AQP5: variants seen among roughly 807,000 people sequenced by gnomAD.
AQP5 encodes the protein aquaporin-5.
AQP5 carries 15 observed loss-of-function variants against 19.1 expected under a neutral mutation model. The ratio of observed to expected loss-of-function variants is 0.79; its 90% confidence interval spans 0.53 to 1.21. The LOEUF is 1.21. Ranked by LOEUF, AQP5 falls within the 50% of genes most tolerant of loss-of-function variation. AQP5 has a pLI of 0.00. For synonymous variants in AQP5, 182 were observed against 160.3 expected (o/e 1.14, Z -1.02); for missense variants, 355 against 357.1 (o/e 0.99, Z 0.05).
chr12:49,963,407 C>G, intron 1 of AQP5, 85 bp from the exon 2 acceptor site: 1 of 1,552,554 alleles, frequency 6.4e-7, no homozygotes, highest in South Asian at 1.2e-5. Context: ...TCTAAGTGTC[C>G]CTGGAGGCCA....
Position 49,963,511 on chromosome 12 carries a change from A to G in AQP5, c.383A>G (p.Gln128Arg), listed in dbSNP as rs1947452272. 5.0e-6 allele frequency: 8 copies of G among 1,613,718 alleles called. No individual in the cohort carries two copies. In the East Asian group the frequency reaches 6.7e-5, roughly 13 times the overall value. The change falls in exon 2 of 4, where the codon CAG becomes CGG. Residue 128 changes from glutamine to arginine, a missense_variant. Physicochemically the swap from Gln to Arg is conservative, Grantham distance 43. Transcript: ENST00000293599. ...TTGCAGCTCAACAACAACACAACGC[A>G]GGGCCAGGCCATGGTGGTGGAGCTG... is the stretch of plus-strand genomic sequence containing the variant. ...AVNALNNNTT[Q>R]GQAMVVELIL...
rs755928749 is a variant in AQP5, at chr12:49,962,352, A to G, written c.335A>G (p.Asn112Ser). ...ATCCTCTACGGTGTGGCACCGCTCA[A>G]TGCCCGGGGCAATCTGGCCGTCAAC... ...AGILYGVAPL[N>S]ARGNLAVNAL... The change falls in exon 1 of 4, where the codon AAT becomes AGT. Residue 112 changes from asparagine to serine, a missense_variant. Physicochemically the swap from Asn to Ser is conservative, Grantham distance 46 (BLOSUM62 1). Transcript: ENST00000293599. 104 of 1,594,416 alleles carry G rather than the reference A, an allele frequency of 6.5e-5. No homozygotes were observed. Among genetic ancestry groups the G allele is most frequent in the East Asian group, 2.9e-4 (12 of 42,060 alleles).
rs550422723 is a variant in AQP5, at chr12:49,965,216, C to T, written c.*39C>T. 9.8e-6 allele frequency: 15 copies of T among 1,536,608 alleles called. No homozygotes were observed. The highest frequency in any genetic ancestry group is 1.2e-5 in the Non-Finnish European group (14 of 1,145,420). ...GGGGCCAGCCCCTCAGCCCCTGAGC[C>T]AAGGGGGAAAAGAAGAAAAAGTACC... is the stretch of plus-strand genomic sequence containing the variant. On this transcript the variant is annotated 3_prime_UTR_variant, in exon 4 of 4. Coordinates refer to ENST00000293599, the MANE Select transcript of AQP5 (RefSeq NM_001651.4).
chr12:49,963,818 T>TC, intron 2 of AQP5, 162 bp downstream of exon 2: 2 of 1,099,582 alleles, frequency 1.8e-6, no homozygotes, highest in South Asian at 1.7e-5. Context: ...CCAGAATTGA[T>TC]CCCCCCAAAA....
chr12:49,962,234 A>G lies in AQP5; in HGVS notation c.217A>G (p.Thr73Ala). The G allele has an allele frequency of 6.2e-7, 1 of 1,603,294 alleles. No individual in the cohort carries two copies. The highest frequency in any genetic ancestry group is 8.5e-7 in the Non-Finnish European group (1 of 1,178,950). Residue 73 changes from threonine (T) to alanine (A), a missense_variant, in exon 1 of 4, where the codon ACC becomes GCC. Physicochemically the swap from Thr to Ala is moderately conservative, Grantham distance 58. Transcript: ENST00000293599. ...VSGGHINPAI[T>A]LALLVGNQIS... ...CGGCGGCCACATCAACCCCGCCATC[A>G]CCCTGGCCCTCTTGGTGGGCAACCA...
intron 1 of AQP5, 98 bp downstream of exon 1, chr12:49,962,478 G>T (rs1947438530): frequency 6.9e-7 from 1 of 1,444,576 alleles, no homozygotes; most frequent in South Asian, 1.5e-5. Flanking sequence ...CGCAGAGTGG[G>T]CCAGCCCACA....
chr12:49,963,463 C>T (rs144955330), intron 1 of AQP5, 29 bp from the exon 2 acceptor site: 84 of 1,608,524 alleles, frequency 5.2e-5, no homozygotes, highest in African/African-American at 3.6e-4. Flanking sequence ...AGAAGGTGGC[C>T]GGGGTCCTAA....
Position 49,962,288 on chromosome 12 carries a change from G to C in AQP5, c.271G>C (p.Val91Leu). 1.2e-6 allele frequency: 2 copies of C among 1,607,680 alleles called. No homozygotes were observed. Among genetic ancestry groups the C allele is most frequent in the South Asian group, 2.2e-5 (2 of 91,022 alleles). The change falls in exon 1 of 4, where the codon GTG (valine) becomes CTG (leucine). Residue 91 changes from valine (V) to leucine (L), a missense_variant. By Grantham distance (32) the Val-to-Leu change is conservative (BLOSUM62 1). Transcript: ENST00000293599. ...CTCGCTGCTCCGGGCTTTCTTCTAC[G>C]TGGCGGCCCAGCTGGTGGGCGCCAT... is the stretch of plus-strand genomic sequence containing the variant. ...QISLLRAFFY[V>L]AAQLVGAIAG...
chr12:49,963,782 C>T, intron 2 of AQP5, 126 bp downstream of exon 2: 1 of 1,298,888 alleles, frequency 7.7e-7, no homozygotes, highest in Non-Finnish European at 1.0e-6. Context: ...GGATTTAGGG[C>T]TCCTGGACTC....
At chr12:49,964,701 T>C (rs1947470161) in intron 3 of AQP5, 3 of 985,272 alleles carry the variant, frequency 3.0e-6, no homozygotes, top group Non-Finnish European at 2.4e-6. Flanking sequence ...GTGTCCCCTC[T>C]GAAGGTTTAT....
rs2137163222 is a variant in AQP5 at position 49,965,373 on chromosome 12, G to A, written c.*196G>A. On this transcript the variant is annotated 3_prime_UTR_variant, in exon 4 of 4. Transcript: ENST00000293599. Reference sequence around the variant, plus strand: ...CCTGGGGTAGGGGCCAGGGGCTGGGGTCTGCTGGGGACAGGTCTCTCTGGG... The same window carrying A: ...CCTGGGGTAGGGGCCAGGGGCTGGGATCTGCTGGGGACAGGTCTCTCTGGG... The A allele has an allele frequency of 1.9e-5, 12 of 618,762 alleles. No individual in the cohort carries two copies. In the South Asian group the frequency reaches 2.6e-4, roughly 14 times the overall value. The allele number at this position is 618,762 out of a possible 1,614,324, so 38.3% of individuals were successfully genotyped here. A position where few individuals can be genotyped will look rare whatever the true frequency, so the allele number is the denominator to read the frequency against.
Position 49,962,578 on chromosome 12 carries a change from C to A in AQP5, c.363+198C>A. 4.3e-6 allele frequency: 3 copies of A among 690,874 alleles called. 1 individual carries two copies. Among genetic ancestry groups the A allele is most frequent in the South Asian group, 4.4e-5 (2 of 44,950 alleles). 42.8% of individuals were successfully genotyped at this position (690,874 alleles called of 1,614,324 possible). ...TCCCTTCCTGCCCACCTCCTCTCCC[C>A]CTCCCCTCATGCTGGCCCACCCTGG... On this transcript the variant is annotated intron_variant, in intron 1 of 3. Transcript: ENST00000293599.
rs142472411 is a variant in AQP5 at position 49,963,218 on chromosome 12, C to T, written c.364-274C>T. The stretch of plus-strand genomic sequence containing the variant: ...GAGGGTAAATGCCAGCTTATGGGGG[C>T]TGGGGGTTGGGCAGAGCCATTGATA... On this transcript the variant is annotated intron_variant, in intron 1 of 3. Transcript: ENST00000293599. Among the ~76,000 whole-genome samples, 4 of 152,344 alleles carry T rather than the reference C, an allele frequency of 2.6e-5. No homozygotes were observed. The East Asian group carries it at 7.7e-4, about 29-fold the overall frequency.
rs775341539 is a variant in AQP5, at chr12:49,963,570, G to A, written c.442G>A (p.Ala148Thr). Residue 148 changes from alanine (A) to threonine (T), a missense_variant, in exon 2 of 4, where the codon GCC becomes ACC. Transcript: ENST00000293599. ...LTFQLALCIF[A>T]STDSRRTSPV... ...CTTCCAGCTGGCACTCTGCATCTTC[G>A]CCTCCACTGACTCCCGCCGCACCAG... The A allele has an allele frequency of 5.6e-6, 9 of 1,613,728 alleles. No individual in the cohort carries two copies. The highest frequency in any genetic ancestry group is 2.2e-5 in the East Asian group (1 of 44,874).
chr12:49,962,143 C>T lies in AQP5; in HGVS notation c.126C>T (p.Ile42=). 6.2e-7 allele frequency: 1 copy of T among 1,613,180 alleles called. No homozygotes were observed. The highest frequency in any genetic ancestry group is 8.5e-7 in the Non-Finnish European group (1 of 1,179,846). Residue 42 remains isoleucine (I), a synonymous_variant, in exon 1 of 4, where the codon ATC becomes ATT. Coordinates refer to ENST00000293599, the MANE Select transcript of AQP5 (RefSeq NM_001651.4). Reference sequence around the variant, plus strand: ...AGTGGCCGTCGGCGCTGCCTACCATCCTGCAGATCGCGCTGGCGTTTGGCC... The same window carrying T: ...AGTGGCCGTCGGCGCTGCCTACCATTCTGCAGATCGCGCTGGCGTTTGGCC... ...ALKWPSALPT[I]LQIALAFGLA...
chr12:49,962,391 T>TG lies in AQP5; in HGVS notation c.363+21dup, dbSNP rs3832811. 7,708 of 1,530,666 alleles carry TG rather than the reference T, an allele frequency of 5.0e-3. 201 individuals are homozygous for TG. In the African/African-American group the frequency reaches 0.066, roughly 13 times the overall value. The allele number at this position is 1,530,666 out of a possible 1,614,324, so 94.8% of individuals were successfully genotyped here. A position where few individuals can be genotyped will look rare whatever the true frequency, so the allele number is the denominator to read the frequency against. Reference sequence around the variant, plus strand: ...CTGGCCGTCAACGCGGTGAGTGCCCTGGGGGGGGGGTGGGAGCCTCGACCC... The same window carrying TG: ...CTGGCCGTCAACGCGGTGAGTGCCCTGGGGGGGGGGGTGGGAGCCTCGACCC... On this transcript the variant is annotated intron_variant, in intron 1 of 3. Transcript: ENST00000293599.
chr12:49,965,121 G>T lies in AQP5; in HGVS notation c.742G>T (p.Asp248Tyr). The stretch of plus-strand genomic sequence containing the variant: ...CAAAGGCACGTATGAGCCTGACGAG[G>T]ACTGGGAGGAGCAGCGGGAAGAGCG... Reference protein sequence around the residue: ...IIKGTYEPDEDWEEQREERKK... With the variant: ...IIKGTYEPDEYWEEQREERKK... Residue 248 changes from aspartate to tyrosine, a missense_variant, in exon 4 of 4, where the codon GAC becomes TAC. Asp to Tyr is a radical substitution (Grantham distance 160). Transcript: ENST00000293599. The T allele has an allele frequency of 6.2e-7, 1 of 1,613,994 alleles. No individual in the cohort carries two copies. Among genetic ancestry groups the T allele is most frequent in the Non-Finnish European group, 8.5e-7 (1 of 1,179,952 alleles).
At chr12:49,964,517 T>G in intron 3 of AQP5, 2 of 485,160 alleles carry the variant, frequency 4.1e-6, no homozygotes, top group Non-Finnish European at 5.3e-6. Flanking sequence ...CTCTCTGATG[T>G]TTTATTTATC....
chr12:49,962,406 A>C, intron 1 of AQP5, 26 bp downstream of exon 1: 1 of 1,532,508 alleles, frequency 6.5e-7, no homozygotes, highest in African/African-American at 1.5e-5. Context: ...GGGGGGTGGG[A>C]GCCTCGACCC....
Sources: allele counts gnomAD v4.1 joint callset (sites outside exome capture counted in the v4.1 genomes callset), GRCh38; gene constraint gnomAD v4.1.1; transcripts MANE v1.5; gene names NCBI Gene and HGNC (gene_info 2026-07-23, HGNC 2026-07-21).